SIK3: variants seen among roughly 807,000 people sequenced by gnomAD.
SIK3 encodes the protein SIK family kinase 3.
A neutral mutation model predicts 144.2 loss-of-function variants in SIK3; 28 were observed. The observed-to-expected ratio is 0.19, with a 90% CI of 0.14 to 0.27. The LOEUF (loss-of-function observed/expected upper bound fraction) is 0.27. Among genes scored for constraint, SIK3 ranks in the 10% least tolerant of loss-of-function variants. SIK3 has a pLI of 1.00. For synonymous variants in SIK3, 686 were observed against 676.3 expected (o/e 1.01, Z -0.22); for missense variants, 1,319 against 1,776.0 (o/e 0.74, Z 4.62).
Position 116,846,536 on chromosome 11 carries a change from C to T in SIK3, c.3970G>A (p.Gly1324Arg), listed in dbSNP as rs868750057. ...CTCAGGTCTGGGTGCTCATGACCTCCCAGGCTTGCCCCACATTCTGCAAGA... is the reference window on the plus strand; with the variant it reads ...CTCAGGTCTGGGTGCTCATGACCTCTCAGGCTTGCCCCACATTCTGCAAGA... The part of the protein sequence containing the change: ...GENEECGASL[G>R]GHEHPDLSDG... Residue 1324 changes from glycine to arginine, a missense_variant, in exon 24 of 25, where the codon GGA becomes AGA. Physicochemically the swap from Gly to Arg is moderately radical, Grantham distance 125. This residue lies in a region of SIK3 where 646 missense variants were observed against 763.7 expected (regional missense o/e 0.85). Coordinates refer to ENST00000445177, the MANE Select transcript of SIK3 (RefSeq NM_001366686.3). This position sits in a 1 kb window ranked among gnomAD's most constrained non-coding sequence, Gnocchi z 4.1. 1 of 1,614,158 alleles carries T rather than the reference C, an allele frequency of 6.2e-7. No individual in the cohort carries two copies. The highest frequency in any genetic ancestry group is 1.7e-5 in the Admixed American group (1 of 60,026).
intron 1 of SIK3, 105 bp from the exon 2 acceptor site, chr11:116,957,169 C>A: frequency 1.8e-6 from 1 of 562,346 alleles, no homozygotes; most frequent in Non-Finnish European, 3.1e-6. Flanking sequence ...ATATAAGCTG[C>A]CAGTATTCTG....
intron 3 of SIK3, 53 bp from the exon 4 acceptor site, chr11:116,927,433 C>A: frequency 1.3e-6 from 2 of 1,575,498 alleles, no homozygotes; most frequent in Non-Finnish European, 8.7e-7. Flanking sequence ...TGTGTAATTT[C>A]AAAAGGTAGA....
intron 1 of SIK3, among the ~76,000 whole-genome samples, chr11:117,084,525 C>T (rs1217042200): frequency 6.6e-6 from 1 of 152,164 alleles, no homozygotes; most frequent in Non-Finnish European, 1.5e-5. Flanking sequence ...CTGGGCCTCC[C>T]AAAGTGCTGC....
At chr11:117,073,497 T>A (rs780825160) in intron 1 of SIK3, among the ~76,000 whole-genome samples, 12 of 152,206 alleles carry the variant, frequency 7.9e-5, no homozygotes, top group Non-Finnish European at 2.9e-5. Context: ...GTAAAGAACT[T>A]TGGACAAGTT....
Position 116,982,414 on chromosome 11 carries a change from G to A in SIK3, c.274-25350C>T, listed in dbSNP as rs376348371. Among the ~76,000 whole-genome samples the A allele has an allele frequency of 2.1e-3, 321 of 151,422 alleles. 1 individual carries two copies. Among genetic ancestry groups the A allele is most frequent in the African/African-American group, 6.9e-3 (283 of 41,248 alleles). On this transcript the variant is annotated intron_variant, in intron 1 of 24. Coordinates refer to ENST00000445177, the MANE Select transcript of SIK3 (RefSeq NM_001366686.3). ...AGCAATCCTCCTGCCTCAGCCTCCC[G>A]AGTAGCTGGGATTACAGGCGCCTAC...
intron 3 of SIK3, among the ~76,000 whole-genome samples, chr11:116,943,057 T>C (rs1948398481): frequency 6.6e-6 from 1 of 152,124 alleles, no homozygotes. Flanking sequence ...ATTCAGCATA[T>C]ATAGTCTTCC....
At chr11:116,983,226 C>CAAAA (rs751603084) in intron 1 of SIK3, among the ~76,000 whole-genome samples, 1 of 86,802 alleles carries the variant, frequency 1.2e-5, no homozygotes, top group African/African-American at 4.1e-5. Context: ...GACTCTGTCT[C>CAAAA]AAAAAAAAAA....
At chr11:117,096,949 G>C (rs545442880) in intron 1 of SIK3, among the ~76,000 whole-genome samples, 11 of 152,286 alleles carry the variant, frequency 7.2e-5, no homozygotes, top group African/African-American at 2.6e-4. Flanking sequence ...CATTCCTCAG[G>C]CTGAGGGAAA....
In SIK3 at chr11:116,897,387, T is replaced by C. The variant is rs1945467992; in HGVS notation, c.617-70A>G. ...TTATAACTGAGCAAACACTAGTCTC[T>C]AGTCACTAAAGATTCCAAATCATTG... On this transcript the variant is annotated intron_variant, in intron 4 of 24. Coordinates refer to ENST00000445177, the MANE Select transcript of SIK3 (RefSeq NM_001366686.3). 8.8e-6 allele frequency: 12 copies of C among 1,365,522 alleles called. 1 individual carries two copies. In the South Asian group the frequency reaches 1.6e-4, roughly 18 times the overall value. The allele number at this position is 1,365,522 out of a possible 1,614,324, so 84.6% of individuals were successfully genotyped here. A position where few individuals can be genotyped will look rare whatever the true frequency, so the allele number is the denominator to read the frequency against.
rs11608126 is a variant in SIK3 at position 116,919,522 on chromosome 11, A to G, written c.616+7697T>C. On this transcript the variant is annotated intron_variant, in intron 4 of 24. Transcript: ENST00000445177. The stretch of plus-strand genomic sequence containing the variant: ...CGACATTTAAAGACAAAAGTTTCCA[A>G]CTTCCTTAGGTTTAAAAAAAATGTT... 7.6e-3 allele frequency among the ~76,000 whole-genome samples: 1,159 copies of G among 152,292 alleles called. 14 individuals are homozygous for G. Among genetic ancestry groups the G allele is most frequent in the African/African-American group, 0.024 (993 of 41,562 alleles).
At chr11:116,902,720 C>T (rs1591279723) in intron 4 of SIK3, among the ~76,000 whole-genome samples, 1 of 152,296 alleles carries the variant, frequency 6.6e-6, no homozygotes, top group Admixed American at 6.5e-5. Flanking sequence ...GAGAGGTCTT[C>T]TATAATCATT....
intron 1 of SIK3, among the ~76,000 whole-genome samples, chr11:117,020,592 A>G (rs1180017111): frequency 1.3e-5 from 2 of 152,114 alleles, no homozygotes; most frequent in African/African-American, 2.4e-5. Flanking sequence ...CTGATAACCA[A>G]TGGCCAATGA....
chr11:117,062,735 T>A (rs929028177), intron 1 of SIK3, among the ~76,000 whole-genome samples: 1 of 152,174 alleles, frequency 6.6e-6, no homozygotes, highest in Non-Finnish European at 1.5e-5. Flanking sequence ...GTGGAAAAAG[T>A]GCATGCCTTC....
chr11:116,871,150 G>A (rs569911544), intron 13 of SIK3, among the ~76,000 whole-genome samples: 1 of 152,208 alleles, frequency 6.6e-6, no homozygotes, highest in Non-Finnish European at 1.5e-5. Flanking sequence ...CACAATGCTT[G>A]TATCACTGTG....
chr11:116,975,286 C>T (rs1358887179), intron 1 of SIK3, among the ~76,000 whole-genome samples: 1 of 141,590 alleles, frequency 7.1e-6, no homozygotes. Flanking sequence ...GATAGTGCAA[C>T]CATCACAATC....
chr11:116,921,904 A>G (rs1947001201), intron 4 of SIK3, among the ~76,000 whole-genome samples: 1 of 152,072 alleles, frequency 6.6e-6, no homozygotes, highest in African/African-American at 2.4e-5. Context: ...AAAAAATCAT[A>G]AACAGTGGAA....
intron 6 of SIK3, among the ~76,000 whole-genome samples, chr11:116,886,810 G>A (rs529789250): frequency 2.0e-5 from 3 of 152,210 alleles, no homozygotes; most frequent in Non-Finnish European, 2.9e-5. Flanking sequence ...TGCATCCATC[G>A]GTGGAAGGGC....
intron 1 of SIK3, among the ~76,000 whole-genome samples, chr11:117,097,144 T>C (rs532022940): frequency 7.9e-5 from 12 of 152,308 alleles, no homozygotes; most frequent in African/African-American, 2.4e-4. Flanking sequence ...TGCTACCATA[T>C]TTCCTCAAAG....
intron 1 of SIK3, among the ~76,000 whole-genome samples, chr11:117,072,509 T>C (rs1591652376): frequency 6.6e-6 from 1 of 152,248 alleles, no homozygotes; most frequent in Non-Finnish European, 1.5e-5. Context: ...CTAAGATAGC[T>C]ATTCATCTTT....
Sources: gnomAD v4.1 joint callset for allele counts (sites outside exome capture counted in the v4.1 genomes callset) on GRCh38, gnomAD v4.1.1 for gene constraint, gnomAD v4.1.1 regional missense constraint, Gnocchi (gnomAD v3.1) non-coding constraint, MANE v1.5 for transcripts, NCBI Gene and HGNC (gene_info 2026-07-23, HGNC 2026-07-21) for gene names.